ATOSA: variants seen among roughly 807,000 people sequenced by gnomAD.
The protein encoded by ATOSA is atos homolog protein A.
chr15:52,613,712 T>C, the ATOSA span: 5 of 1,613,836 alleles, frequency 3.1e-6, no homozygotes, highest in East Asian at 1.1e-4. Flanking sequence ...TGGTAGTTAC[T>C]GGGTAACAAG....
chr15:52,654,672 T>C, the ATOSA span, among the ~76,000 whole-genome samples: 2 of 152,126 alleles, frequency 1.3e-5, no homozygotes, highest in South Asian at 4.1e-4. Context: ...AATAGGATAG[T>C]AGATCTTTTA....
At chr15:52,611,454 A>G in the ATOSA span, 33 of 1,216,170 alleles carry the variant, frequency 2.7e-5, 2 homozygotes, top group South Asian at 4.2e-4. Context: ...CCAAATATAA[A>G]TACTATCTCA....
chr15:52,604,891 C>T, the ATOSA span, among the ~76,000 whole-genome samples: 8 of 152,068 alleles, frequency 5.3e-5, no homozygotes, highest in South Asian at 1.7e-3. Flanking sequence ...GTAACAGTTA[C>T]AATTTGAGGC....
At chr15:52,693,364 G>A in the ATOSA span, among the ~76,000 whole-genome samples, 1 of 152,194 alleles carries the variant, frequency 6.6e-6, no homozygotes, top group Admixed American at 6.5e-5. Context: ...AGGTTGCAGT[G>A]AGCCAAGATC....
chr15:52,645,248 G>A, the ATOSA span, among the ~76,000 whole-genome samples: 1 of 152,172 alleles, frequency 6.6e-6, no homozygotes, highest in African/African-American at 2.4e-5. Flanking sequence ...AGGCCAGCCT[G>A]GCGAACATGG....
At chr15:52,697,555 T>C in the ATOSA span, among the ~76,000 whole-genome samples, 9 of 152,202 alleles carry the variant, frequency 5.9e-5, no homozygotes, top group Admixed American at 2.0e-4. Context: ...CGTAAGAATA[T>C]GACAAAATTT....
the ATOSA span, among the ~76,000 whole-genome samples, chr15:52,583,656 G>C: frequency 6.6e-6 from 1 of 152,150 alleles, no homozygotes; most frequent in Non-Finnish European, 1.5e-5. Flanking sequence ...AGAGTGCTGG[G>C]ATTATAGGTG....
chr15:52,694,898 A>G, the ATOSA span, among the ~76,000 whole-genome samples: 42 of 145,298 alleles, frequency 2.9e-4, no homozygotes, highest in African/African-American at 1.0e-3. Flanking sequence ...ACTTTCCCCC[A>G]TTATTCTTTT....
At chr15:52,641,913 T>C in the ATOSA span, among the ~76,000 whole-genome samples, 1 of 152,228 alleles carries the variant, frequency 6.6e-6, no homozygotes, top group East Asian at 1.9e-4. Flanking sequence ...TTAATTAATG[T>C]TTTATTGGAT....
the ATOSA span, among the ~76,000 whole-genome samples, chr15:52,605,699 A>G: frequency 3.3e-5 from 5 of 152,148 alleles, no homozygotes; most frequent in African/African-American, 1.2e-4. Flanking sequence ...ATTAAGTTCT[A>G]AAGAAAACAT....
the ATOSA span, chr15:52,709,727 T>A: frequency 6.6e-6 from 1 of 152,516 alleles, no homozygotes; most frequent in East Asian, 1.9e-4. Context: ...GACACATACC[T>A]ATTGGGTTGT....
At chr15:52,587,492 C>T in the ATOSA span, 53 of 238,602 alleles carry the variant, frequency 2.2e-4, 1 homozygote, top group Admixed American at 7.3e-4. Context: ...GAAAGAAGTT[C>T]CTAACTAAAA....
chr15:52,672,348 C>T, the ATOSA span, among the ~76,000 whole-genome samples: 4 of 151,680 alleles, frequency 2.6e-5, no homozygotes, highest in African/African-American at 7.3e-5. Flanking sequence ...GACCCCATCC[C>T]ATGAAAAAGA....
At chr15:52,668,015 TCA>T in the ATOSA span, among the ~76,000 whole-genome samples, 1 of 152,196 alleles carries the variant, frequency 6.6e-6, no homozygotes, top group South Asian at 2.1e-4. Context: ...CCTCAAAATA[TCA>T]GAGACAGAAC....
the ATOSA span, among the ~76,000 whole-genome samples, chr15:52,628,188 C>G: frequency 6.3e-3 from 952 of 152,262 alleles, 8 homozygotes; most frequent in South Asian, 0.019. Flanking sequence ...GGCCCACACA[C>G]ACTCTTAAGA....
At chr15:52,603,171 A>G in the ATOSA span, among the ~76,000 whole-genome samples, 3 of 152,208 alleles carry the variant, frequency 2.0e-5, no homozygotes, top group Non-Finnish European at 2.9e-5. Flanking sequence ...GACAAAAAAA[A>G]TCTGAACAGA....
At chr15:52,707,468 G>A in the ATOSA span, among the ~76,000 whole-genome samples, 1 of 152,026 alleles carries the variant, frequency 6.6e-6, no homozygotes, top group African/African-American at 2.4e-5. Context: ...TAAAATGATC[G>A]GCCTACATTC....
the ATOSA span, among the ~76,000 whole-genome samples, chr15:52,695,946 G>C: frequency 3.9e-5 from 6 of 152,202 alleles, no homozygotes. Context: ...GCAACTCAAT[G>C]AATGTGGGTC....
At chr15:52,667,264 T>C in the ATOSA span, among the ~76,000 whole-genome samples, 1 of 152,258 alleles carries the variant, frequency 6.6e-6, no homozygotes, top group African/African-American at 2.4e-5. Context: ...AATTAGCTGT[T>C]CTATTTACAT....
Sources: allele counts gnomAD v4.1 joint callset (sites outside exome capture counted in the v4.1 genomes callset), GRCh38; gene constraint gnomAD v4.1.1; transcripts MANE v1.5; gene names NCBI Gene and HGNC (gene_info 2026-07-23, HGNC 2026-07-21).